Variants in TMTC2 observed in about 807,000 individuals in gnomAD.
The protein encoded by TMTC2 is protein O-mannosyl-transferase TMTC2.
TMTC2 carries 43 observed loss-of-function variants against 82.4 expected under a neutral mutation model. The ratio of observed to expected loss-of-function variants is 0.52; its 90% CI spans 0.41 to 0.67. The LOEUF (loss-of-function observed/expected upper bound fraction) is 0.67. TMTC2 is among the 30% of genes least tolerant of loss of function. The pLI, the probability that TMTC2 is intolerant of heterozygous loss-of-function variation, is 0.00. For missense variants in TMTC2, 919 were observed against 1,012.4 expected (o/e 0.91, Z 1.25); for synonymous variants, 408 against 381.9 (o/e 1.07, Z -0.80).
intron 8 of TMTC2, among the ~76,000 whole-genome samples, chr12:83,005,905 A>G (rs1466594261): frequency 1.3e-5 from 2 of 152,220 alleles, no homozygotes; most frequent in African/African-American, 4.8e-5. Context: ...AGCAAAGTTA[A>G]GAGCCATGCA....
chr12:82,906,582 G>A (rs888565452), intron 3 of TMTC2, among the ~76,000 whole-genome samples: 2 of 151,964 alleles, frequency 1.3e-5, no homozygotes, highest in Admixed American at 1.3e-4. Context: ...TCAGCTACTC[G>A]GGAGGCTGAG....
intron 1 of TMTC2, among the ~76,000 whole-genome samples, chr12:82,716,940 G>A (rs900073631): frequency 1.3e-5 from 2 of 152,080 alleles, no homozygotes; most frequent in Non-Finnish European, 2.9e-5. Flanking sequence ...AGAAAGAAAG[G>A]TATATATAGA....
intron 8 of TMTC2, 59 bp downstream of exon 8, chr12:82,986,105 G>C: frequency 6.2e-7 from 1 of 1,611,652 alleles, no homozygotes; most frequent in Non-Finnish European, 8.5e-7. Context: ...GACCGGGATA[G>C]ATGGGTTTGA....
At chr12:82,839,310 T>C (rs573666615) in intron 1 of TMTC2, among the ~76,000 whole-genome samples, 10 of 152,320 alleles carry the variant, frequency 6.6e-5, no homozygotes, top group African/African-American at 2.4e-4. Flanking sequence ...TTAATGTTTT[T>C]CAATGTGAGA....
intron 1 of TMTC2, among the ~76,000 whole-genome samples, chr12:82,689,928 G>A (rs1428471536): frequency 1.3e-5 from 2 of 152,216 alleles, no homozygotes; most frequent in Non-Finnish European, 2.9e-5. Flanking sequence ...TTTGAAAAGT[G>A]TATTTTACAC....
At chr12:82,742,582 C>G (rs190584770) in intron 1 of TMTC2, among the ~76,000 whole-genome samples, 1 of 151,012 alleles carries the variant, frequency 6.6e-6, no homozygotes, top group African/African-American at 2.4e-5. Flanking sequence ...TGCAATGGCG[C>G]ATTCTCGGCT....
intron 1 of TMTC2, chr12:82,760,476 T>TG (rs1233797257): frequency 6.7e-6 from 1 of 149,346 alleles, no homozygotes; most frequent in African/African-American, 2.5e-5. Flanking sequence ...GTTTTTTTTT[T>TG]TTTTTTTTTT....
At chr12:83,006,783 G>A (rs1489037744) in intron 8 of TMTC2, among the ~76,000 whole-genome samples, 1 of 152,188 alleles carries the variant, frequency 6.6e-6, no homozygotes, top group East Asian at 1.9e-4. Context: ...ATAAAAAGAT[G>A]AGTTCATGTC....
chr12:82,775,459 G>A (rs1019773842), intron 1 of TMTC2, among the ~76,000 whole-genome samples: 2 of 151,742 alleles, frequency 1.3e-5, no homozygotes, highest in East Asian at 1.9e-4. Context: ...CCAGGGGGGC[G>A]GGCGGGGAGA....
intron 11 of TMTC2, among the ~76,000 whole-genome samples, chr12:83,129,925 G>C (rs972220257): frequency 6.6e-6 from 1 of 152,176 alleles, no homozygotes; most frequent in Non-Finnish European, 1.5e-5. Context: ...CATAACCTCT[G>C]AGTGTTTTTA....
intron 1 of TMTC2, among the ~76,000 whole-genome samples, chr12:82,818,624 C>A (rs1868892519): frequency 1.3e-5 from 2 of 152,154 alleles, no homozygotes; most frequent in South Asian, 4.1e-4. Context: ...TGAAGACTCT[C>A]TGAATCTCTC....
intron 1 of TMTC2, among the ~76,000 whole-genome samples, chr12:82,783,290 CTGTGTGTGTGTGTG>C (rs72110651): frequency 1.7e-5 from 2 of 119,274 alleles, no homozygotes; most frequent in East Asian, 2.7e-4. Context: ...GTATATGCCT[CTGTGTGTGTGTGTG>C]TGTGTGTGTG....
chr12:82,781,702 G>GT (rs1251785252), intron 1 of TMTC2, among the ~76,000 whole-genome samples: 9,533 of 126,108 alleles, frequency 0.076, 578 homozygotes, highest in African/African-American at 0.16. Context: ...TATTATTATT[G>GT]TTTTTTTTTT....
At chr12:83,006,957 A>AG (rs1249710363) in intron 8 of TMTC2, among the ~76,000 whole-genome samples, 1 of 151,900 alleles carries the variant, frequency 6.6e-6, no homozygotes, top group African/African-American at 2.4e-5. Flanking sequence ...GGGCTGGGGG[A>AG]GGGATAGCAT....
intron 1 of TMTC2, among the ~76,000 whole-genome samples, 196 bp from the exon 2 acceptor site, chr12:82,856,814 A>C (rs1256064149): frequency 6.6e-6 from 1 of 152,150 alleles, no homozygotes; most frequent in Non-Finnish European, 1.5e-5. Context: ...GCTTTTAAGG[A>C]AGAGAAAAAC....
chr12:83,063,887 C>T (rs541875720), intron 11 of TMTC2, among the ~76,000 whole-genome samples: 10 of 151,804 alleles, frequency 6.6e-5, no homozygotes, highest in Non-Finnish European at 1.2e-4. Context: ...TTAAGAGTTA[C>T]AGCAGGGAAC....
intron 2 of TMTC2, among the ~76,000 whole-genome samples, chr12:82,868,724 A>G (rs115513484): frequency 6.7e-6 from 1 of 149,810 alleles, no homozygotes; most frequent in Admixed American, 6.6e-5. Flanking sequence ...TGAAAAAAAA[A>G]GGGAGGCACT....
chr12:82,930,375 T>A (rs1875961585), intron 3 of TMTC2, 56 bp from the exon 4 acceptor site: 4 of 968,504 alleles, frequency 4.1e-6, no homozygotes, highest in Non-Finnish European at 3.1e-6. Context: ...CCTGATATTA[T>A]GTCATGTATA....
intron 1 of TMTC2, among the ~76,000 whole-genome samples, chr12:82,715,274 C>CA (rs758933283): frequency 0.017 from 1,718 of 103,502 alleles, 10 homozygotes; most frequent in Admixed American, 0.023. Flanking sequence ...GACTCCATTT[C>CA]AAAAAAAAAA....
Sources: allele counts gnomAD v4.1 joint callset (sites outside exome capture counted in the v4.1 genomes callset), GRCh38; gene constraint gnomAD v4.1.1; transcripts MANE v1.5; gene names NCBI Gene and HGNC (gene_info 2026-07-23, HGNC 2026-07-21).